Variants in GHR observed in about 807,000 individuals in gnomAD.
GHR encodes growth hormone receptor, also known as GH receptor.
A neutral mutation model predicts 67.1 loss-of-function variants in GHR; 35 were observed. That is an observed-to-expected ratio of 0.52 (90% CI 0.40 to 0.69). GHR has a LOEUF of 0.69. Ranked by LOEUF, GHR falls within the 30% of genes least tolerant of loss-of-function variation. GHR has a pLI of 0.00. For missense variants in GHR, 792 were observed against 764.6 expected (o/e 1.04, Z -0.42); for synonymous variants, 272 against 269.1 (o/e 1.01, Z -0.10).
chr5:42,705,508 A>G (rs1758133479), intron 6 of GHR, among the ~76,000 whole-genome samples: 1 of 152,058 alleles, frequency 6.6e-6, no homozygotes, highest in Non-Finnish European at 1.5e-5. Flanking sequence ...TCACCAGGTA[A>G]TAAGCATAGT....
At chr5:42,590,412 A>G (rs1719675781) in intron 2 of GHR, among the ~76,000 whole-genome samples, 1 of 152,186 alleles carries the variant, frequency 6.6e-6, no homozygotes, top group Non-Finnish European at 1.5e-5. Context: ...TCAGCTACTC[A>G]ATGTGATTTC....
chr5:42,468,731 C>T (rs1744856119), intron 1 of GHR: 2 of 990,208 alleles, frequency 2.0e-6, no homozygotes, highest in Non-Finnish European at 3.2e-6. Flanking sequence ...GCCCCAGAGA[C>T]GCCGCCCCCG....
intron 1 of GHR, among the ~76,000 whole-genome samples, chr5:42,551,546 A>T (rs575613322): frequency 6.6e-6 from 1 of 152,220 alleles, no homozygotes; most frequent in Non-Finnish European, 1.5e-5. Context: ...ATGCAGAGGT[A>T]GAATCCTCCC....
At chr5:42,442,999 C>T (rs1358823757) in intron 1 of GHR, among the ~76,000 whole-genome samples, 1 of 152,128 alleles carries the variant, frequency 6.6e-6, no homozygotes, top group Non-Finnish European at 1.5e-5. Context: ...TGGGATTTGA[C>T]TGATGAAAAC....
intron 1 of GHR, among the ~76,000 whole-genome samples, chr5:42,515,255 T>C (rs1747187502): frequency 6.6e-6 from 1 of 152,230 alleles, no homozygotes; most frequent in South Asian, 2.1e-4. Context: ...GATTTTCTTT[T>C]CCTTGTAGTT....
chr5:42,671,928 C>G (rs1484970326), intron 3 of GHR, among the ~76,000 whole-genome samples: 1 of 146,282 alleles, frequency 6.8e-6, no homozygotes, highest in Non-Finnish European at 1.5e-5. Flanking sequence ...TGCACTCCAG[C>G]CTGGGCGACA....
At chr5:42,650,473 A>T (rs1291483863) in intron 3 of GHR, among the ~76,000 whole-genome samples, 1 of 151,490 alleles carries the variant, frequency 6.6e-6, no homozygotes, top group African/African-American at 2.4e-5. Flanking sequence ...AATTAATTTA[A>T]CTCTAAAGAT....
At chr5:42,505,712 C>T (rs1320663834) in intron 1 of GHR, among the ~76,000 whole-genome samples, 1 of 152,156 alleles carries the variant, frequency 6.6e-6, no homozygotes, top group Non-Finnish European at 1.5e-5. Context: ...GTACCTATTA[C>T]ATTGTCACAT....
chr5:42,582,181 T>C (rs939624321), intron 2 of GHR, among the ~76,000 whole-genome samples: 2 of 152,148 alleles, frequency 1.3e-5, no homozygotes, highest in African/African-American at 4.8e-5. Flanking sequence ...GTGGATGACA[T>C]GTAGATGGTG....
At chr5:42,619,714 G>C (rs1753342687) in intron 2 of GHR, 2 of 152,148 alleles carry the variant, frequency 1.3e-5, no homozygotes, top group Admixed American at 1.3e-4. Flanking sequence ...GGAAATTGAA[G>C]AGTGAGCTTG....
chr5:42,546,183 A>G (rs912571464), intron 1 of GHR, among the ~76,000 whole-genome samples: 25 of 152,090 alleles, frequency 1.6e-4, no homozygotes, highest in African/African-American at 5.8e-4. Context: ...TTTTCCCATT[A>G]CTCTTTCGAT....
At chr5:42,475,233 A>G (rs1395021656) in intron 1 of GHR, among the ~76,000 whole-genome samples, 2 of 152,070 alleles carry the variant, frequency 1.3e-5, no homozygotes, top group Non-Finnish European at 2.9e-5. Flanking sequence ...CTGTGGGTTA[A>G]AGGGAACTGG....
At chr5:42,700,049 A>G (rs2111741000) in intron 6 of GHR, 47 bp downstream of exon 6, 3 of 1,133,478 alleles carry the variant, frequency 2.6e-6, no homozygotes, top group Non-Finnish European at 4.0e-6. Context: ...TTCTATTTCA[A>G]CAAACTCTCT....
At chr5:42,451,074 C>T (rs563444682) in intron 1 of GHR, among the ~76,000 whole-genome samples, 4 of 152,172 alleles carry the variant, frequency 2.6e-5, no homozygotes, top group African/African-American at 9.6e-5. Context: ...GAGAATGTTC[C>T]ATGTGCTGAT....
chr5:42,540,057 C>T (rs1021707826), intron 1 of GHR, among the ~76,000 whole-genome samples: 3 of 152,066 alleles, frequency 2.0e-5, no homozygotes, highest in East Asian at 1.9e-4. Context: ...TCTGCACATT[C>T]GAATAATCAT....
chr5:42,430,081 T>C (rs1200056015), intron 1 of GHR, among the ~76,000 whole-genome samples: 1 of 152,222 alleles, frequency 6.6e-6, no homozygotes, highest in African/African-American at 2.4e-5. Flanking sequence ...AAGTCTAAAG[T>C]GTTCACACTC....
chr5:42,494,102 T>A (rs1240776759), intron 1 of GHR, among the ~76,000 whole-genome samples: 1 of 152,176 alleles, frequency 6.6e-6, no homozygotes, highest in Admixed American at 6.6e-5. Context: ...TAATTCTACC[T>A]ATCATGGAAA....
At chr5:42,441,966 C>G (rs1216250769) in intron 1 of GHR, among the ~76,000 whole-genome samples, 3 of 152,142 alleles carry the variant, frequency 2.0e-5, no homozygotes, top group Admixed American at 6.5e-5. Flanking sequence ...ATCCAGAGCA[C>G]AGCAGGGGGA....
At chr5:42,447,959 A>C (rs1220491244) in intron 1 of GHR, among the ~76,000 whole-genome samples, 1 of 151,822 alleles carries the variant, frequency 6.6e-6, no homozygotes, top group African/African-American at 2.4e-5. Flanking sequence ...ATGGGGTTTC[A>C]TCATGTTGGC....
Sources: gnomAD v4.1 joint callset for allele counts (sites outside exome capture counted in the v4.1 genomes callset) on GRCh38, gnomAD v4.1.1 for gene constraint, MANE v1.5 for transcripts, NCBI Gene and HGNC (gene_info 2026-07-23, HGNC 2026-07-21) for gene names.